Variants in CMYA5 observed in about 807,000 individuals in gnomAD.
CMYA5 encodes the protein cardiomyopathy-associated protein 5.
A neutral mutation model predicts 318.9 loss-of-function variants in CMYA5; 246 were observed. That is an observed-to-expected ratio of 0.77 (90% CI 0.70 to 0.86). CMYA5 has a LOEUF of 0.86. Ranked by LOEUF, CMYA5 falls within the 40% of genes least tolerant of loss-of-function variation. The pLI is 0.00. For missense variants in CMYA5, 4,589 were observed against 4,678.2 expected, an observed-to-expected ratio of 0.98 and a Z score of 0.56; for synonymous variants, 1,641 against 1,729.5, an observed-to-expected ratio of 0.95 and a Z score of 1.27.
intron 1 of CMYA5, among the ~76,000 whole-genome samples, chr5:79,715,933 C>G (rs542127583): frequency 1.3e-5 from 2 of 152,296 alleles, no homozygotes; most frequent in Admixed American, 6.5e-5. Flanking sequence ...GTGCTTAAAG[C>G]TTATGCAAAT....
Position 79,733,092 on chromosome 5 carries a change from A to G in CMYA5, c.4327A>G (p.Ile1443Val). The change falls in exon 2 of 13, where the codon ATT becomes GTT. Residue 1443 changes from isoleucine (I) to valine (V), a missense_variant. Ile to Val is a conservative substitution (Grantham distance 29). Transcript: ENST00000446378. ...AGCTTGGTCAGAAGCAGAGAAGGAAATTAAATTTGATTCACTTCCAAGTGT... is the reference window on the plus strand; with the variant it reads ...AGCTTGGTCAGAAGCAGAGAAGGAAGTTAAATTTGATTCACTTCCAAGTGT... Reference protein sequence around the residue: ...HLAWSEAEKEIKFDSLPSVSS... With the variant: ...HLAWSEAEKEVKFDSLPSVSS... The G allele has an allele frequency of 3.1e-6, 5 of 1,613,724 alleles. No homozygotes were observed. Among genetic ancestry groups the G allele is most frequent in the Non-Finnish European group, 4.2e-6 (5 of 1,179,798 alleles).
intron 6 of CMYA5, among the ~76,000 whole-genome samples, chr5:79,756,667 A>G (rs1828536493): frequency 6.6e-6 from 1 of 151,922 alleles, no homozygotes. Flanking sequence ...TCAGCTCTTT[A>G]TCGCTGTTGC....
rs1828119374 is a variant in CMYA5 at position 79,737,974 on chromosome 5, A to C, written c.9209A>C (p.Gln3070Pro). ...DYNISPDPEK[Q>P]KAPQKLNVEE... Reference sequence around the variant, plus strand: ...AACATCTCCCCAGACCCAGAAAAACAGAAAGCTCCACAGAAATTAAATGTT... The same window carrying C: ...AACATCTCCCCAGACCCAGAAAAACCGAAAGCTCCACAGAAATTAAATGTT... Residue 3070 changes from glutamine (Q) to proline (P), a missense_variant, in exon 2 of 13, where the codon CAG (glutamine) becomes CCG (proline). Gln to Pro is a moderately conservative substitution (Grantham distance 76). This residue lies in a region of CMYA5 where 2,431 missense variants were observed against 2,495.1 expected (regional missense o/e 0.97). Coordinates refer to ENST00000446378, the MANE Select transcript of CMYA5 (RefSeq NM_153610.5). 1.9e-6 allele frequency: 3 copies of C among 1,613,494 alleles called. No homozygotes were observed. The highest frequency in any genetic ancestry group is 2.5e-6 in the Non-Finnish European group (3 of 1,179,686).
In CMYA5 at chr5:79,733,371, G is replaced by A. The variant is rs1827965559; in HGVS notation, c.4606G>A (p.Glu1536Lys). ...TGAGCTTCCACTCAGCCTATGGGGT[G>A]AGATAAAGAAGAAAGAAACTGAACT... is the stretch of plus-strand genomic sequence containing the variant. ...EHELPLSLWG[E>K]IKKKETELPS... is the part of the protein sequence containing the mutation. Residue 1536 changes from glutamate to lysine, a missense_variant, in exon 2 of 13, where the codon GAG becomes AAG. Around this residue, in one of 3 missense-constraint regions of CMYA5, gnomAD observed 2,132 missense variants for 2,131.3 expected, o/e 1.00. Coordinates refer to ENST00000446378, the MANE Select transcript of CMYA5 (RefSeq NM_153610.5). 6.2e-7 allele frequency: 1 copy of A among 1,613,304 alleles called. No homozygotes were observed. The highest frequency in any genetic ancestry group is 8.5e-7 in the Non-Finnish European group (1 of 1,179,832).
chr5:79,704,696 AGAAAGAGAGAGAAAGAGG>A (rs1394836898), intron 1 of CMYA5, among the ~76,000 whole-genome samples: 1 of 152,002 alleles, frequency 6.6e-6, no homozygotes, highest in Non-Finnish European at 1.5e-5. Context: ...AGAGAGGGAG[AGAAAGAGAGAGAAAGAGG>A]GAGAGAGAGA....
intron 9 of CMYA5, chr5:79,778,250 T>C (rs966290143): frequency 5.3e-5 from 8 of 152,242 alleles, no homozygotes; most frequent in Non-Finnish European, 1.2e-4. Flanking sequence ...TTCACACATG[T>C]GCAAATATAT....
At chr5:79,717,295 A>G (rs1392634044) in intron 1 of CMYA5, among the ~76,000 whole-genome samples, 1 of 152,230 alleles carries the variant, frequency 6.6e-6, no homozygotes, top group African/African-American at 2.4e-5. Flanking sequence ...CTTTAGAAAG[A>G]CTTTATAAGG....
At position 79,735,237 on chromosome 5, in the gene CMYA5, C is replaced by A. The variant is rs776708387; in HGVS notation, c.6472C>A (p.Gln2158Lys). 40 of 1,613,686 alleles carry A rather than the reference C, an allele frequency of 2.5e-5. No individual in the cohort carries two copies. The highest frequency in any genetic ancestry group is 4.0e-5 in the African/African-American group (3 of 74,920). Reference sequence around the variant, plus strand: ...TGAGGTGACACAAAATCCACCTACACAACCAAAGGTGGCTAAGCCGGACCT... The same window carrying A: ...TGAGGTGACACAAAATCCACCTACAAAACCAAAGGTGGCTAAGCCGGACCT... The part of the protein sequence containing the change: ...SPEVTQNPPT[Q>K]PKVAKPDLPE... Residue 2158 changes from glutamine to lysine, a missense_variant, in exon 2 of 13, where the codon CAA (glutamine) becomes AAA (lysine). Physicochemically the swap from Gln to Lys is moderately conservative, Grantham distance 53 (BLOSUM62 1). Coordinates refer to ENST00000446378, the MANE Select transcript of CMYA5 (RefSeq NM_153610.5).
At chr5:79,707,626 A>G (rs958494678) in intron 1 of CMYA5, among the ~76,000 whole-genome samples, 1 of 152,226 alleles carries the variant, frequency 6.6e-6, no homozygotes, top group Non-Finnish European at 1.5e-5. Flanking sequence ...GGAAGAGAAG[A>G]AAAATATTTT....
chr5:79,730,241 C>A lies in CMYA5; in HGVS notation c.1476C>A (p.Ser492=), dbSNP rs368442507. Residue 492 remains serine, a synonymous_variant, in exon 2 of 13, where the codon TCC becomes TCA. Transcript: ENST00000446378. ...AGGAGGAAAACATGCTTGAGCCATC[C>A]ATTTCTCTTTCTGAACCTCTAATGT... ...GEKEENMLEP[S]ISLSEPLMLE... 9.8e-5 allele frequency: 158 copies of A among 1,613,798 alleles called. No individual in the cohort carries two copies. The highest frequency in any genetic ancestry group is 1.3e-4 in the Non-Finnish European group (153 of 1,179,864).
chr5:79,719,661 A>G (rs1449390676), intron 1 of CMYA5, among the ~76,000 whole-genome samples: 2 of 152,220 alleles, frequency 1.3e-5, no homozygotes, highest in African/African-American at 4.8e-5. Flanking sequence ...TGAACACACA[A>G]TGAAAATATA....
rs745548330 is a variant in CMYA5 at position 79,738,248 on chromosome 5, G to A, written c.9483G>A (p.Glu3161=). The change falls in exon 2 of 13, where the codon GAG becomes GAA. Residue 3161 remains glutamate, a synonymous_variant. Transcript: ENST00000446378. ...CGGGGATGCCTTTATTTGAAGCAGA[G>A]GAAGGAGTTCTATCACGAACCCAGA... ...KSPGMPLFEA[E]EGVLSRTQIF... 3.7e-6 allele frequency: 6 copies of A among 1,613,656 alleles called. No homozygotes were observed. In the East Asian group the frequency reaches 8.9e-5, roughly 24 times the overall value.
At position 79,732,247 on chromosome 5, in the gene CMYA5, A is replaced by G; in HGVS notation, c.3482A>G (p.Lys1161Arg). The G allele has an allele frequency of 1.9e-6, 3 of 1,613,922 alleles. No individual in the cohort carries two copies. Among genetic ancestry groups the G allele is most frequent in the Non-Finnish European group, 2.5e-6 (3 of 1,179,866 alleles). ...TTACCTGCACAATCATCTATAGTAA[A>G]GGAAGAAACCAAACCTGCATCTCCA... ...AALPAQSSIV[K>R]EETKPASPHS... Residue 1161 changes from lysine (K) to arginine (R), a missense_variant, in exon 2 of 13, where the codon AAG becomes AGG. By Grantham distance (26) the Lys-to-Arg change is conservative. Around this residue, in one of 3 missense-constraint regions of CMYA5, gnomAD observed 2,132 missense variants for 2,131.3 expected, o/e 1.00. Transcript: ENST00000446378.
At chr5:79,742,048 CTCTTCTTCTTCTTCTTCT>C (rs200715392) in intron 2 of CMYA5, among the ~76,000 whole-genome samples, 2,002 of 102,484 alleles carry the variant, frequency 0.02, 57 homozygotes, top group African/African-American at 0.084. Flanking sequence ...CCTCTTTCTC[CTCTTCTTCTTCTTCTTCT>C]TCTTCTTCTT....
rs769148398 is a variant in CMYA5 at position 79,763,059 on chromosome 5, C to T, written c.11408-3C>T. The stretch of plus-strand genomic sequence containing the variant: ...CACGACTGTCCTGACTCTCTTTCTG[C>T]AGCACCCTCCACCCCTGTGATCCGC... On this transcript the variant is annotated splice_region_variant and splice_polypyrimidine_tract_variant and intron_variant, in intron 8 of 12. Transcript: ENST00000446378. 19 of 1,611,156 alleles carry T rather than the reference C, an allele frequency of 1.2e-5. No individual in the cohort carries two copies. The highest frequency in any genetic ancestry group is 1.5e-5 in the Non-Finnish European group (18 of 1,178,020).
In CMYA5 at chr5:79,758,853, A is replaced by G. The variant is rs1185211502; in HGVS notation, c.11211A>G (p.Ser3737=). The G allele has an allele frequency of 5.6e-6, 9 of 1,605,996 alleles. No homozygotes were observed. The Admixed American group carries it at 1.0e-4, about 18-fold the overall frequency. ...TGAACAAGGAAGATGTCATTGATTC[A>G]TTTCAGGTTTACTGCATGGAGGAGC... ...WSMNKEDVID[S]FQVYCMEEPQ... The change falls in exon 7 of 13, where the codon TCA becomes TCG. Residue 3737 remains serine, a synonymous_variant. Transcript: ENST00000446378.
chr5:79,763,017 G>A, intron 8 of CMYA5, 45 bp from the exon 9 acceptor site: 1 of 1,571,752 alleles, frequency 6.4e-7, no homozygotes, highest in Non-Finnish European at 8.7e-7. Context: ...TCCCAGGAAA[G>A]CAAGCTGGCA....
chr5:79,735,384 A>C lies in CMYA5; in HGVS notation c.6619A>C (p.Ser2207Arg), dbSNP rs776789169. The change falls in exon 2 of 13, where the codon AGT becomes CGT. Residue 2207 changes from serine (S) to arginine (R), a missense_variant. Ser to Arg is a moderately radical substitution (Grantham distance 110). Around this residue, in one of 3 missense-constraint regions of CMYA5, gnomAD observed 2,431 missense variants for 2,495.1 expected, o/e 0.97. Coordinates refer to ENST00000446378, the MANE Select transcript of CMYA5 (RefSeq NM_153610.5). ...AEQEDLETQPSPSVEKAVTVI... is the reference protein window; with the variant it reads ...AEQEDLETQPRPSVEKAVTVI... ...ACAAGAAGACTTAGAAACACAGCCA[A>C]GTCCATCCGTAGAAAAAGCAGTGAC... is the stretch of plus-strand genomic sequence containing the variant. The C allele has an allele frequency of 5.0e-6, 8 of 1,613,794 alleles. No individual in the cohort carries two copies. In the South Asian group the frequency reaches 8.8e-5, roughly 18 times the overall value.
At chr5:79,715,208 G>A (rs911924565) in intron 1 of CMYA5, among the ~76,000 whole-genome samples, 1 of 152,120 alleles carries the variant, frequency 6.6e-6, no homozygotes, top group Non-Finnish European at 1.5e-5. Flanking sequence ...GAATCTAAGA[G>A]CCAAAGGCAA....
Sources: gnomAD v4.1 joint callset for allele counts (sites outside exome capture counted in the v4.1 genomes callset) on GRCh38, gnomAD v4.1.1 for gene constraint, gnomAD v4.1.1 regional missense constraint, MANE v1.5 for transcripts, NCBI Gene and HGNC (gene_info 2026-07-23, HGNC 2026-07-21) for gene names.